The following PTPRD variants were observed in gnomAD, a reference collection of about 807,000 sequenced individuals.
The protein encoded by PTPRD is protein tyrosine phosphatase receptor type D.
Under a neutral mutation model 214.5 loss-of-function variants are expected in PTPRD, and 34 were observed. The ratio of observed to expected loss-of-function variants is 0.16; its 90% CI spans 0.12 to 0.21. PTPRD has a LOEUF of 0.21. PTPRD is among the 10% of genes least tolerant of loss of function. The probability of loss-of-function intolerance (pLI) is 1.00; values close to 1 mark genes in which losing one functional copy is unlikely to be tolerated. For missense variants in PTPRD, 2,545 were observed against 2,398.7 expected (o/e 1.06, Z -1.27); for synonymous variants, 1,128 against 845.7 (o/e 1.33, Z -5.79).
chr9:8,577,841 T>C (rs891444862), intron 14 of PTPRD, among the ~76,000 whole-genome samples: 1 of 152,144 alleles, frequency 6.6e-6, no homozygotes, highest in African/African-American at 2.4e-5. Context: ...ACTCTAGGGA[T>C]GTGGGACTCA....
chr9:10,300,705 GCCTCTCTAGATTCCT>G (rs1358267668), intron 3 of PTPRD, among the ~76,000 whole-genome samples: 2 of 152,154 alleles, frequency 1.3e-5, no homozygotes, highest in African/African-American at 2.4e-5. Context: ...CAGCCAGACT[GCCTCTCTAGATTCCT>G]CCTCTCTAGG....
chr9:10,525,732 G>GTA (rs2054056791), intron 2 of PTPRD, among the ~76,000 whole-genome samples: 1 of 150,924 alleles, frequency 6.6e-6, no homozygotes, highest in Non-Finnish European at 1.5e-5. Flanking sequence ...TTCAAAGTGT[G>GTA]TGTGTGTGTG....
intron 8 of PTPRD, among the ~76,000 whole-genome samples, chr9:9,557,021 A>G (rs896693056): frequency 6.6e-6 from 1 of 152,202 alleles, no homozygotes; most frequent in Non-Finnish European, 1.5e-5. Flanking sequence ...TGCTTTATCC[A>G]CAGAATGCTG....
chr9:8,337,617 G>C (rs994306080), intron 43 of PTPRD, among the ~76,000 whole-genome samples: 1 of 151,312 alleles, frequency 6.6e-6, no homozygotes, highest in African/African-American at 2.4e-5. Flanking sequence ...CAGACAAACA[G>C]CAAATGTAGT....
chr9:9,611,212 C>T (rs975218715), intron 7 of PTPRD, among the ~76,000 whole-genome samples: 1 of 152,106 alleles, frequency 6.6e-6, no homozygotes, highest in Non-Finnish European at 1.5e-5. Context: ...CATCTCTGCA[C>T]ATAAAGCCAG....
chr9:8,502,411 A>G (rs2097429879), intron 23 of PTPRD, among the ~76,000 whole-genome samples: 1 of 152,042 alleles, frequency 6.6e-6, no homozygotes, highest in African/African-American at 2.4e-5. Flanking sequence ...AGGTGTATCC[A>G]ATTGTTCAGG....
In PTPRD at chr9:9,579,766, G is replaced by A. The variant is rs867661843; in HGVS notation, c.-286-4985C>T. The stretch of plus-strand genomic sequence containing the variant: ...TTTGGTTATATGCATATATCACATA[G>A]TGGTGAAGTCAGGGCTTTTAGTATG... On this transcript the variant is annotated intron_variant, in intron 7 of 45. Transcript: ENST00000381196. Among the ~76,000 whole-genome samples the A allele has an allele frequency of 2.6e-5, 4 of 152,256 alleles. No homozygotes were observed. In the South Asian group the frequency reaches 8.3e-4, roughly 32 times the overall value.
chr9:9,671,410 C>T lies in PTPRD; in HGVS notation c.-287+63123G>A, dbSNP rs539658136. Reference sequence around the variant, plus strand: ...ATTTGTCTTGTCTCAAATGAGACTACGGACTGTGGACTTTTAGGTTAATGC... The same window carrying T: ...ATTTGTCTTGTCTCAAATGAGACTATGGACTGTGGACTTTTAGGTTAATGC... On this transcript the variant is annotated intron_variant, in intron 7 of 45. Transcript: ENST00000381196. 5.9e-5 allele frequency among the ~76,000 whole-genome samples: 9 copies of T among 151,396 alleles called. No homozygotes were observed. The East Asian group carries it at 7.8e-4, about 13-fold the overall frequency.
At chr9:9,203,978 C>T (rs556819462) in intron 9 of PTPRD, among the ~76,000 whole-genome samples, 4 of 152,246 alleles carry the variant, frequency 2.6e-5, no homozygotes, top group African/African-American at 9.6e-5. Flanking sequence ...AAGATAGGCA[C>T]AATATATCTC....
At chr9:8,818,909 C>T (rs931462241) in intron 11 of PTPRD, among the ~76,000 whole-genome samples, 1 of 152,138 alleles carries the variant, frequency 6.6e-6, no homozygotes, top group Non-Finnish European at 1.5e-5. Context: ...CGAAGAGTTC[C>T]CCGGTAACAT....
In PTPRD at chr9:8,314,525, C is replaced by A. The variant is rs1018922485; in HGVS notation, c.*3349G>T. ...CTGTTATTATCTTTGTAAAGACACTCCAAGCTGGGATGGCAAAGCCACATA... is the reference window on the plus strand; with the variant it reads ...CTGTTATTATCTTTGTAAAGACACTACAAGCTGGGATGGCAAAGCCACATA... On this transcript the variant is annotated 3_prime_UTR_variant, in exon 46 of 46. Coordinates refer to ENST00000381196, the MANE Select transcript of PTPRD (RefSeq NM_002839.4). The A allele has an allele frequency of 8.6e-6, 2 of 231,998 alleles. No individual in the cohort carries two copies. Among genetic ancestry groups the A allele is most frequent in the Non-Finnish European group, 1.7e-5 (2 of 117,082 alleles). The allele number at this position is 231,998 out of a possible 1,614,324, so 14.4% of individuals were successfully genotyped here.
chr9:8,706,573 G>A lies in PTPRD; in HGVS notation c.64+27207C>T, dbSNP rs576451188. On this transcript the variant is annotated intron_variant, in intron 12 of 45. Coordinates refer to ENST00000381196, the MANE Select transcript of PTPRD (RefSeq NM_002839.4). ...ACTTCATATATTTAGGAAACAGAGC[G>A]ATTATCCCAAGGCTCTGAACTTGAG... Among the ~76,000 whole-genome samples, 6 of 152,154 alleles carry A rather than the reference G, an allele frequency of 3.9e-5. No individual in the cohort carries two copies. The South Asian group carries it at 6.2e-4, about 16-fold the overall frequency.
intron 2 of PTPRD, among the ~76,000 whole-genome samples, chr9:10,503,972 C>T (rs148810192): frequency 0.029 from 4,367 of 150,812 alleles, 207 homozygotes; most frequent in African/African-American, 0.1. Flanking sequence ...AAAAATTAGC[C>T]GGGCGTGGTG....
At chr9:10,503,903 T>G (rs1261430828) in intron 2 of PTPRD, among the ~76,000 whole-genome samples, 2 of 151,298 alleles carry the variant, frequency 1.3e-5, no homozygotes, top group African/African-American at 2.4e-5. Context: ...GATCATAAGG[T>G]CAGGAGATCA....
intron 19 of PTPRD, 67 bp from the exon 20 acceptor site, chr9:8,521,613 G>T: frequency 1.3e-6 from 2 of 1,528,054 alleles, no homozygotes; most frequent in African/African-American, 1.4e-5. Flanking sequence ...TTAAACACAT[G>T]ACATGCACCG....
chr9:10,220,112 T>C (rs1461528191), intron 3 of PTPRD, among the ~76,000 whole-genome samples: 1 of 151,932 alleles, frequency 6.6e-6, no homozygotes, highest in East Asian at 1.9e-4. Context: ...TATCTCAATT[T>C]ACATAAAAAG....
intron 5 of PTPRD, among the ~76,000 whole-genome samples, chr9:9,845,802 G>A (rs1464510785): frequency 6.6e-6 from 1 of 152,054 alleles, no homozygotes; most frequent in Non-Finnish European, 1.5e-5. Flanking sequence ...TATGGACTCA[G>A]TATGCAAACC....
chr9:8,329,789 T>C (rs959842989), intron 44 of PTPRD, among the ~76,000 whole-genome samples: 1 of 152,178 alleles, frequency 6.6e-6, no homozygotes, highest in African/African-American at 2.4e-5. Flanking sequence ...TTGAACTTCC[T>C]GCTGGCTTTG....
chr9:8,518,305 G>C lies in PTPRD; in HGVS notation c.1086C>G (p.Asn362Lys). 1 of 1,614,114 alleles carries C rather than the reference G, an allele frequency of 6.2e-7. No homozygotes were observed. Among genetic ancestry groups the C allele is most frequent in the Non-Finnish European group, 8.5e-7 (1 of 1,180,004 alleles). ...SYYIIQHKPK[N>K]SEELYKEIDG... is the part of the protein sequence containing the mutation. ...CAATTTCTTTGTAAAGTTCCTCAGA[G>C]TTTTTAGGTTTATGCTGAATTATGT... Residue 362 changes from asparagine (N) to lysine (K), a missense_variant, in exon 21 of 46, where the codon AAC (asparagine) becomes AAG (lysine). Physicochemically the swap from Asn to Lys is moderately conservative, Grantham distance 94 (BLOSUM62 0). Transcript: ENST00000381196.
Sources: gnomAD v4.1 joint callset for allele counts (sites outside exome capture counted in the v4.1 genomes callset) on GRCh38, gnomAD v4.1.1 for gene constraint, MANE v1.5 for transcripts, NCBI Gene and HGNC (gene_info 2026-07-23, HGNC 2026-07-21) for gene names.